Variants in GARRE1 observed in about 807,000 individuals in gnomAD.
GARRE1 encodes granule associated Rac and RHOG effector 1.
GARRE1 carries 49 observed loss-of-function variants against 103.2 expected under a neutral mutation model. That is an observed-to-expected ratio of 0.47 (90% CI 0.38 to 0.60). GARRE1 has a LOEUF of 0.60. Ranked by LOEUF, GARRE1 falls within the 20% of genes least tolerant of loss-of-function variation. GARRE1 has a pLI of 0.00. For missense variants in GARRE1, 1,199 were observed against 1,370.5 expected (o/e 0.87, Z 1.98); for synonymous variants, 505 against 532.8 (o/e 0.95, Z 0.72).
At chr19:34,266,790 TTTA>T (rs2073754647) in intron 1 of GARRE1, among the ~76,000 whole-genome samples, 2 of 139,664 alleles carry the variant, frequency 1.4e-5, no homozygotes, top group African/African-American at 5.1e-5. Flanking sequence ...GAATCTTAAG[TTTA>T]TCTAAAATTT....
chr19:34,341,943 G>A lies in GARRE1; in HGVS notation c.2009G>A (p.Arg670Lys). ...CATCAGGGCTCTCCGTTGGTGACAA[G>A]GCATAATTCTGCTGCCACAGCCATG... is the stretch of plus-strand genomic sequence containing the variant. ...QSHQGSPLVT[R>K]HNSAATAMVT... Residue 670 changes from arginine (R) to lysine (K), a missense_variant, in exon 10 of 14, where the codon AGG becomes AAG. Arg to Lys is a conservative substitution (Grantham distance 26). Coordinates refer to ENST00000299505, the MANE Select transcript of GARRE1 (RefSeq NM_014686.5). The A allele has an allele frequency of 6.2e-7, 1 of 1,614,198 alleles. No individual in the cohort carries two copies. The highest frequency in any genetic ancestry group is 8.5e-7 in the Non-Finnish European group (1 of 1,180,034).
At chr19:34,307,176 T>C (rs1438329618) in intron 2 of GARRE1, among the ~76,000 whole-genome samples, 1 of 152,108 alleles carries the variant, frequency 6.6e-6, no homozygotes, top group Admixed American at 6.6e-5. Flanking sequence ...CTGGTGTCTG[T>C]TCTGAGTAGC....
chr19:34,352,605 C>T (rs2074244451), intron 13 of GARRE1, 42 bp from the exon 14 acceptor site: 1 of 1,533,106 alleles, frequency 6.5e-7, no homozygotes, highest in Non-Finnish European at 9.0e-7. Flanking sequence ...AATGATGATA[C>T]ATTGCCCGAA....
intron 1 of GARRE1, among the ~76,000 whole-genome samples, chr19:34,261,661 C>T (rs1399203561): frequency 2.0e-5 from 3 of 152,086 alleles, no homozygotes; most frequent in African/African-American, 4.8e-5. Flanking sequence ...GGGCATGACA[C>T]GTCCAAAGGT....
intron 2 of GARRE1, among the ~76,000 whole-genome samples, chr19:34,305,875 G>A (rs1435433879): frequency 2.6e-5 from 4 of 152,186 alleles, no homozygotes; most frequent in Non-Finnish European, 5.9e-5. Flanking sequence ...GGCTGAACAG[G>A]CTTTCCCAGA....
intron 2 of GARRE1, among the ~76,000 whole-genome samples, chr19:34,314,100 C>T (rs1275206966): frequency 6.6e-6 from 1 of 152,090 alleles, no homozygotes; most frequent in Admixed American, 6.6e-5. Flanking sequence ...CGTGCCCGGC[C>T]AAAACTTGCA....
intron 7 of GARRE1, 24 bp from the exon 8 acceptor site, chr19:34,333,680 T>TC: frequency 9.0e-7 from 1 of 1,109,218 alleles, no homozygotes; most frequent in Non-Finnish European, 1.3e-6. Flanking sequence ...GTTATTTGTT[T>TC]TTTTTTTTTT....
intron 2 of GARRE1, among the ~76,000 whole-genome samples, chr19:34,302,079 C>T (rs956242770): frequency 6.1e-5 from 9 of 148,486 alleles, no homozygotes; most frequent in Non-Finnish European, 1.3e-4. Context: ...CAACCTCCAC[C>T]TCCCGAGTTC....
At chr19:34,295,311 A>G (rs1034764195) in intron 1 of GARRE1, among the ~76,000 whole-genome samples, 7 of 152,124 alleles carry the variant, frequency 4.6e-5, no homozygotes, top group African/African-American at 1.7e-4. Flanking sequence ...GGATTCAGCT[A>G]TTTATCTTTG....
intron 2 of GARRE1, among the ~76,000 whole-genome samples, chr19:34,302,513 C>T (rs1418739847): frequency 2.6e-5 from 4 of 151,772 alleles, no homozygotes; most frequent in Non-Finnish European, 4.4e-5. Context: ...AGGCCGGTCT[C>T]GAACTCCTAA....
At chr19:34,344,881 G>C (rs7246973) in intron 10 of GARRE1, among the ~76,000 whole-genome samples, 84,240 of 150,182 alleles carry the variant, frequency 0.56, 26,685 homozygotes, top group African/African-American at 0.86. Context: ...CTACCGCCCC[G>C]AGGCTGGAGT....
intron 2 of GARRE1, among the ~76,000 whole-genome samples, chr19:34,307,736 T>TA (rs1167002735): frequency 0.011 from 1,337 of 127,302 alleles, 5 homozygotes; most frequent in Non-Finnish European, 0.018. Context: ...ACATATATAC[T>TA]TATATATACT....
intron 2 of GARRE1, among the ~76,000 whole-genome samples, chr19:34,311,908 G>A (rs981041267): frequency 2.6e-5 from 4 of 152,128 alleles, no homozygotes; most frequent in African/African-American, 9.7e-5. Flanking sequence ...ACCACACCCG[G>A]CAACATAGTT....
At chr19:34,288,515 C>T (rs1023601885) in intron 1 of GARRE1, among the ~76,000 whole-genome samples, 1 of 152,194 alleles carries the variant, frequency 6.6e-6, no homozygotes, top group Non-Finnish European at 1.5e-5. Flanking sequence ...CACAGCTGGG[C>T]TGTGTGGAGA....
intron 1 of GARRE1, among the ~76,000 whole-genome samples, chr19:34,262,337 C>G (rs1018359858): frequency 1.6e-5 from 2 of 127,714 alleles, no homozygotes; most frequent in African/African-American, 2.8e-5. Context: ...TCTCTCTCAC[C>G]CAGGCTGGAA....
In GARRE1 at chr19:34,300,631, C is replaced by G; in HGVS notation, c.158C>G (p.Pro53Arg). 6.2e-7 allele frequency: 1 copy of G among 1,613,704 alleles called. No homozygotes were observed. The highest frequency in any genetic ancestry group is 2.2e-5 in the East Asian group (1 of 44,882). ...APLASTATTA[P>R]LGSLTAAGSC... is the part of the protein sequence containing the mutation. ...CTGGCATCCACGGCCACCACTGCCC[C>G]CCTGGGCAGTCTGACCGCTGCAGGC... is the stretch of plus-strand genomic sequence containing the variant. Residue 53 changes from proline to arginine, a missense_variant, in exon 2 of 14, where the codon CCC (proline) becomes CGC (arginine). Coordinates refer to ENST00000299505, the MANE Select transcript of GARRE1 (RefSeq NM_014686.5).
In GARRE1 at chr19:34,265,196, C is replaced by T. The variant is rs906834924; in HGVS notation, c.-796+10582C>T. On this transcript the variant is annotated intron_variant, in intron 1 of 13. Coordinates refer to ENST00000299505, the MANE Select transcript of GARRE1 (RefSeq NM_014686.5). ...ATGGCCAGGAAACCTGGAAATAACT[C>T]GCATCTTCCCTCACCCCACCCCCGG... Among the ~76,000 whole-genome samples the T allele has an allele frequency of 4.6e-5, 7 of 152,128 alleles. 1 individual carries two copies. Among genetic ancestry groups the T allele is most frequent in the African/African-American group, 9.7e-5 (4 of 41,382 alleles).
At chr19:34,351,450 T>C in intron 12 of GARRE1, 64 bp from the exon 13 acceptor site, 4 of 1,253,772 alleles carry the variant, frequency 3.2e-6, no homozygotes, top group Non-Finnish European at 4.7e-6. Context: ...CACTAGTGTG[T>C]ACCCTACAGG....
intron 1 of GARRE1, among the ~76,000 whole-genome samples, chr19:34,276,756 A>C (rs1168872994): frequency 6.6e-6 from 1 of 152,246 alleles, no homozygotes; most frequent in African/African-American, 2.4e-5. Flanking sequence ...TATAGCAGCC[A>C]GTTTCTCGAG....
Sources: gnomAD v4.1 joint callset for allele counts (sites outside exome capture counted in the v4.1 genomes callset) on GRCh38, gnomAD v4.1.1 for gene constraint, MANE v1.5 for transcripts, NCBI Gene and HGNC (gene_info 2026-07-23, HGNC 2026-07-21) for gene names.